Variants in ASIP observed in about 807,000 individuals in gnomAD.
ASIP encodes agouti signaling protein, also known as agouti-signaling protein.
ASIP carries 11 observed loss-of-function variants against 10.3 expected under a neutral mutation model. That is an observed-to-expected ratio of 1.07 (90% confidence interval 0.68 to 1.78). The LOEUF (loss-of-function observed/expected upper bound fraction) is 1.78. Ranked by LOEUF, ASIP falls within the 40% of genes most tolerant of loss-of-function variation. The pLI, the probability that ASIP is intolerant of heterozygous loss-of-function variation, is 0.00. For synonymous variants in ASIP, 70 were observed against 70.8 expected (o/e 0.99, Z 0.06); for missense variants, 180 against 169.2 (o/e 1.06, Z -0.35).
intron 1 of ASIP, among the ~76,000 whole-genome samples, chr20:34,212,825 T>A (rs751296790): frequency 7.9e-5 from 12 of 152,192 alleles, no homozygotes; most frequent in Non-Finnish European, 1.8e-4. Flanking sequence ...TAATAAGCAA[T>A]CTGTAGGGGA....
At position 34,260,447 on chromosome 20, in the gene ASIP, C is replaced by G; in HGVS notation, c.73C>G (p.Pro25Ala). ...LCFFTANSHL[P>A]PEEKLRDDRS... Reference sequence around the variant, plus strand: ...CTTCTTCACTGCCAACAGCCACCTGCCACCTGAGGAGAAGCTCCGAGATGA... The same window carrying G: ...CTTCTTCACTGCCAACAGCCACCTGGCACCTGAGGAGAAGCTCCGAGATGA... The change falls in exon 2 of 4, where the codon CCA (proline) becomes GCA (alanine). Residue 25 changes from proline (P) to alanine (A), a missense_variant. By Grantham distance (27) the Pro-to-Ala change is conservative. Transcript: ENST00000374954. 1.2e-6 allele frequency: 2 copies of G among 1,614,176 alleles called. No individual in the cohort carries two copies. Among genetic ancestry groups the G allele is most frequent in the Non-Finnish European group, 1.7e-6 (2 of 1,180,010 alleles).
intron 2 of ASIP, 73 bp downstream of exon 2, chr20:34,260,607 T>TA: frequency 6.8e-7 from 1 of 1,460,176 alleles, no homozygotes; most frequent in Non-Finnish European, 9.2e-7. Flanking sequence ...CCCAGGGTGC[T>TA]ACCAGGATCC....
At chr20:34,207,214 T>C (rs1354495405) in intron 1 of ASIP, among the ~76,000 whole-genome samples, 2 of 152,222 alleles carry the variant, frequency 1.3e-5, no homozygotes, top group Non-Finnish European at 2.9e-5. Flanking sequence ...ACTGCTGATA[T>C]TTTCTATCTT....
At chr20:34,235,898 GAAA>G (rs1482274784) in intron 1 of ASIP, among the ~76,000 whole-genome samples, 4 of 80,928 alleles carry the variant, frequency 4.9e-5, no homozygotes, top group African/African-American at 4.2e-4. Context: ...AGGAAGGAAG[GAAA>G]GGAAGGAAGG....
chr20:34,214,609 C>T (rs6059723), intron 1 of ASIP: 19 of 1,271,028 alleles, frequency 1.5e-5, no homozygotes, highest in Admixed American at 6.7e-5. Flanking sequence ...TAGTAACTCT[C>T]GTGAAACTTG....
upstream of ASIP, among the ~76,000 whole-genome samples, chr20:34,240,073 G>A (rs1433685083): frequency 6.6e-6 from 1 of 152,160 alleles, no homozygotes. Flanking sequence ...AAGAAGGTTG[G>A]GAGTTTTATT....
intron 1 of ASIP, chr20:34,235,008 A>C (rs1205351207): frequency 6.6e-6 from 1 of 152,254 alleles, no homozygotes; most frequent in Non-Finnish European, 1.5e-5. Context: ...GTTGCCAGTA[A>C]GAGGCCACAT....
chr20:34,241,367 T>C, upstream of ASIP: 2 of 789,064 alleles, frequency 2.5e-6, no homozygotes, highest in African/African-American at 3.7e-5. Flanking sequence ...GAAATAATTT[T>C]GTAGTATGAT....
At chr20:34,245,580 G>A (rs1170231292) in intron 1 of ASIP, among the ~76,000 whole-genome samples, 2 of 151,160 alleles carry the variant, frequency 1.3e-5, no homozygotes, top group African/African-American at 2.4e-5. Flanking sequence ...TGGTAGAGAC[G>A]GGGTTTCACC....
intron 1 of ASIP, among the ~76,000 whole-genome samples, chr20:34,218,945 G>C (rs1348517695): frequency 6.6e-6 from 1 of 152,090 alleles, no homozygotes; most frequent in Non-Finnish European, 1.5e-5. Context: ...TCACAGGTGT[G>C]AGCCACCACG....
intron 1 of ASIP, among the ~76,000 whole-genome samples, chr20:34,259,203 G>A (rs2035646462): frequency 6.7e-6 from 1 of 149,424 alleles, no homozygotes; most frequent in African/African-American, 2.5e-5. Context: ...GTGAGACTCT[G>A]TCTCAAAACA....
chr20:34,266,400 C>T (rs556540361), intron 3 of ASIP, among the ~76,000 whole-genome samples: 13 of 151,472 alleles, frequency 8.6e-5, no homozygotes, highest in Admixed American at 2.0e-4. Flanking sequence ...AGGCCAGGCA[C>T]GGTGGCTCAT....
intron 3 of ASIP, among the ~76,000 whole-genome samples, chr20:34,268,500 A>T (rs1052481508): frequency 6.6e-6 from 1 of 152,204 alleles, no homozygotes; most frequent in African/African-American, 2.4e-5. Flanking sequence ...AGGCAGGCAG[A>T]TCACTTTAGC....
intron 1 of ASIP, among the ~76,000 whole-genome samples, chr20:34,256,474 A>T (rs1005962343): frequency 6.6e-6 from 1 of 152,134 alleles, no homozygotes; most frequent in African/African-American, 2.4e-5. Context: ...CTAATTTTTT[A>T]AAAATTTTTT....
At chr20:34,192,552 C>A (rs1188491971), upstream of ASIP, among the ~76,000 whole-genome samples, 4 of 146,282 alleles carry the variant, frequency 2.7e-5, no homozygotes, top group Non-Finnish European at 5.9e-5. Context: ...TGAGAGAAAG[C>A]CTGATCTCCA....
chr20:34,260,660 A>C, intron 2 of ASIP, 126 bp downstream of exon 2: 1 of 1,126,798 alleles, frequency 8.9e-7, no homozygotes, highest in Middle Eastern at 2.1e-4. Flanking sequence ...CCAGGAAATA[A>C]TCCTGGGAGA....
chr20:34,210,693 A>G (rs2034968866), intron 1 of ASIP, among the ~76,000 whole-genome samples: 1 of 152,224 alleles, frequency 6.6e-6, no homozygotes, highest in African/African-American at 2.4e-5. Flanking sequence ...CAGAAAAGTG[A>G]CACCCCGAGG....
the ASIP span, among the ~76,000 whole-genome samples, chr20:34,189,336 G>A: frequency 6.6e-6 from 1 of 151,978 alleles, no homozygotes; most frequent in Non-Finnish European, 1.5e-5. Context: ...TCTACCTCCC[G>A]GGTTCAAGTG....
intron 1 of ASIP, among the ~76,000 whole-genome samples, chr20:34,198,653 T>C (rs187341127): frequency 3.9e-5 from 6 of 152,054 alleles, no homozygotes; most frequent in African/African-American, 1.4e-4. Context: ...GCCCAGCTAA[T>C]TTTTAAATTT....
Sources: gnomAD v4.1 joint callset for allele counts (sites outside exome capture counted in the v4.1 genomes callset) on GRCh38, gnomAD v4.1.1 for gene constraint, MANE v1.5 for transcripts, NCBI Gene and HGNC (gene_info 2026-07-23, HGNC 2026-07-21) for gene names.